DLC1: variants seen among roughly 807,000 people sequenced by gnomAD.
DLC1 encodes DLC1 Rho GTPase activating protein.
A neutral mutation model predicts 140.3 loss-of-function variants in DLC1; 54 were observed. The ratio of observed to expected loss-of-function variants is 0.38; its 90% confidence interval spans 0.31 to 0.48. The LOEUF (loss-of-function observed/expected upper bound fraction) is 0.48, where lower values mean the gene tolerates loss of function less well. DLC1 is among the 20% of genes least tolerant of loss of function. The probability of loss-of-function intolerance (pLI) is 0.96; values close to 1 mark genes in which losing one functional copy is unlikely to be tolerated. For synonymous variants in DLC1, 986 were observed against 728.1 expected (o/e 1.35, Z -5.70); for missense variants, 2,536 against 1,907.0 (o/e 1.33, Z -6.14).
chr8:13,144,804 C>G (rs937256732), intron 5 of DLC1, among the ~76,000 whole-genome samples: 3 of 152,134 alleles, frequency 2.0e-5, no homozygotes, highest in African/African-American at 2.4e-5. Context: ...TCTCATCCAT[C>G]TATCTATTTA....
At chr8:13,343,031 C>A (rs546328393) in intron 4 of DLC1, among the ~76,000 whole-genome samples, 4 of 152,136 alleles carry the variant, frequency 2.6e-5, no homozygotes, top group African/African-American at 9.7e-5. Context: ...TTCCCGTTAA[C>A]GTTAATCATC....
chr8:13,188,354 A>T (rs1326211865), intron 5 of DLC1, among the ~76,000 whole-genome samples: 1 of 146,644 alleles, frequency 6.8e-6, no homozygotes, highest in Non-Finnish European at 1.5e-5. Flanking sequence ...TAAATTTCTA[A>T]CTAAAAGAAA....
intron 4 of DLC1, among the ~76,000 whole-genome samples, chr8:13,368,821 T>C (rs1321755117): frequency 6.6e-6 from 1 of 152,112 alleles, no homozygotes; most frequent in Non-Finnish European, 1.5e-5. Context: ...CCATCTCTGA[T>C]GATGGTTATT....
chr8:13,292,301 C>G lies in DLC1; in HGVS notation c.1348+12968G>C, dbSNP rs79902189. On this transcript the variant is annotated intron_variant, in intron 5 of 17. Transcript: ENST00000276297. Reference sequence around the variant, plus strand: ...CCCTACATGTGGGGATGAGCGGTCACTGCTCTGTTTATATTCTATTGTCAT... The same window carrying G: ...CCCTACATGTGGGGATGAGCGGTCAGTGCTCTGTTTATATTCTATTGTCAT... 5.3e-3 allele frequency among the ~76,000 whole-genome samples: 803 copies of G among 152,268 alleles called. 9 individuals are homozygous for G. Among genetic ancestry groups the G allele is most frequent in the African/African-American group, 0.018 (768 of 41,558 alleles).
rs144043976 is a variant in DLC1 at position 13,556,416 on chromosome 8, G to A, written c.-126+48121C>T. ...AAAAATTCTGATTTAAAACTTATTG[G>A]GATTCATCTGGCCACTGGGGTTTTG... is the stretch of plus-strand genomic sequence containing the variant. On this transcript the variant is annotated intron_variant, in intron 1 of 1. Coordinates refer to the DLC1 transcript ENST00000631382. Among the ~76,000 whole-genome samples the A allele has an allele frequency of 8.4e-4, 128 of 152,186 alleles. 1 individual carries two copies. In the East Asian group the frequency reaches 0.024, roughly 28 times the overall value.
intron 4 of DLC1, among the ~76,000 whole-genome samples, chr8:13,355,501 G>T (rs950731651): frequency 3.7e-4 from 57 of 152,110 alleles, no homozygotes; most frequent in Non-Finnish European, 6.9e-4. Flanking sequence ...TTCTCGTGAG[G>T]GTTCTCCTCC....
In DLC1 at chr8:13,393,694, C is replaced by G; in HGVS notation, c.1174-1G>C. 1 of 1,611,642 alleles carries G rather than the reference C, an allele frequency of 6.2e-7. No homozygotes were observed. Among genetic ancestry groups the G allele is most frequent in the Non-Finnish European group, 8.5e-7 (1 of 1,179,206 alleles). On this transcript the variant is annotated splice_acceptor_variant, in intron 3 of 17. Coordinates refer to ENST00000276297, the MANE Select transcript of DLC1 (RefSeq NM_182643.3). LOFTEE classifies it high-confidence loss of function. ...CACTTTCAGATCCTGATTCCAGATC[C>G]TATTAAAAAACAAATGCACTGGTAT...
At position 13,401,567 on chromosome 8, in the gene DLC1, A is replaced by G; in HGVS notation, c.1076T>C (p.Ile359Thr). 1 of 1,613,830 alleles carries G rather than the reference A, an allele frequency of 6.2e-7. No individual in the cohort carries two copies. Among genetic ancestry groups the G allele is most frequent in the South Asian group, 1.1e-5 (1 of 91,064 alleles). The part of the protein sequence containing the change: ...RARLDSMVLL[I>T]MKLDQLDQDI... ...CTGATCAAGCTGGTCCAGTTTCATA[A>G]TCAGCAGCACCATGGAGTCCAGCCG... is the stretch of plus-strand genomic sequence containing the variant. The change falls in exon 3 of 18, where the codon ATT becomes ACT. Residue 359 changes from isoleucine to threonine, a missense_variant. Physicochemically the swap from Ile to Thr is moderately conservative, Grantham distance 89. Coordinates refer to ENST00000276297, the MANE Select transcript of DLC1 (RefSeq NM_182643.3).
intron 5 of DLC1, among the ~76,000 whole-genome samples, chr8:13,232,973 A>G (rs1333907885): frequency 6.6e-6 from 1 of 152,220 alleles, no homozygotes; most frequent in Non-Finnish European, 1.5e-5. Flanking sequence ...AATATTGAAC[A>G]AAAGGAATCA....
intron 1 of DLC1, among the ~76,000 whole-genome samples, chr8:13,579,837 G>A (rs997077878): frequency 1.1e-4 from 17 of 151,698 alleles, no homozygotes; most frequent in Admixed American, 3.3e-4. Flanking sequence ...AGTGCTCCAG[G>A]TGAGTACCCA....
At chr8:13,490,597 G>A (rs1013475729) in intron 2 of DLC1, among the ~76,000 whole-genome samples, 4 of 152,022 alleles carry the variant, frequency 2.6e-5, no homozygotes, top group African/African-American at 7.2e-5. Context: ...TTCGAGGGAG[G>A]CAGCCAAAAC....
intron 3 of DLC1, among the ~76,000 whole-genome samples, chr8:13,395,787 ACT>A (rs988561824): frequency 2.0e-5 from 3 of 150,004 alleles, no homozygotes; most frequent in African/African-American, 7.3e-5. Context: ...AGAAGACATA[ACT>A]CTGAGCAAAT....
chr8:13,576,910 T>C (rs1016189379), intron 1 of DLC1, among the ~76,000 whole-genome samples: 1 of 152,190 alleles, frequency 6.6e-6, no homozygotes, highest in African/African-American at 2.4e-5. Context: ...AAAATGGCAC[T>C]GAACAGAGGA....
chr8:13,584,995 T>C (rs990654129), intron 1 of DLC1, among the ~76,000 whole-genome samples: 1 of 152,202 alleles, frequency 6.6e-6, no homozygotes, highest in African/African-American at 2.4e-5. Context: ...CTCTGTAAAA[T>C]AATTCATTTA....
At chr8:13,384,686 T>C (rs1004502433) in intron 4 of DLC1, among the ~76,000 whole-genome samples, 4 of 152,162 alleles carry the variant, frequency 2.6e-5, no homozygotes, top group African/African-American at 9.7e-5. Context: ...AAGACCTCAA[T>C]GATTTGGGCC....
chr8:13,585,757 T>G (rs1490659186), intron 1 of DLC1, among the ~76,000 whole-genome samples: 3 of 152,180 alleles, frequency 2.0e-5, no homozygotes, highest in Non-Finnish European at 4.4e-5. Context: ...TTCTTTCACA[T>G]TCATATTTTA....
At chr8:13,167,976 C>A (rs1263802744) in intron 5 of DLC1, among the ~76,000 whole-genome samples, 1 of 152,116 alleles carries the variant, frequency 6.6e-6, no homozygotes, top group Non-Finnish European at 1.5e-5. Flanking sequence ...TTAGAGTGTT[C>A]TTAAAAAATA....
chr8:13,368,053 C>T (rs1308806674), intron 4 of DLC1, among the ~76,000 whole-genome samples: 3 of 152,180 alleles, frequency 2.0e-5, no homozygotes, highest in Non-Finnish European at 4.4e-5. Context: ...GCAGTGACTA[C>T]ATCTTTGACC....
At position 13,090,149 on chromosome 8, in the gene DLC1, C is replaced by G. The variant is rs1248955907; in HGVS notation, c.4074+103G>C. The G allele has an allele frequency of 2.7e-6, 3 of 1,126,458 alleles. No individual in the cohort carries two copies. The African/African-American group carries it at 4.7e-5, about 18-fold the overall frequency. 69.8% of individuals were successfully genotyped at this position (1,126,458 alleles called of 1,614,324 possible). On this transcript the variant is annotated intron_variant, in intron 15 of 17. Transcript: ENST00000276297. ...CCAGCTCTACAAGGGAGGTTGTGGG[C>G]TACAGATCCCCAGACAGATTAGTTG...
Sources: allele counts gnomAD v4.1 joint callset (sites outside exome capture counted in the v4.1 genomes callset), GRCh38; gene constraint gnomAD v4.1.1; transcripts MANE v1.5; gene names NCBI Gene and HGNC (gene_info 2026-07-23, HGNC 2026-07-21).